NCOA2: variants seen among roughly 807,000 people sequenced by gnomAD.
The protein encoded by NCOA2 is class E basic helix-loop-helix protein 75.
In NCOA2, 21 loss-of-function variants were observed where a neutral mutation model predicts 145.1. The ratio of observed to expected loss-of-function variants is 0.14; its 90% confidence interval spans 0.10 to 0.21. NCOA2 has a LOEUF of 0.21. NCOA2 is among the 10% of genes least tolerant of loss of function. The pLI is 1.00. For missense variants in NCOA2, 1,472 were observed against 1,837.6 expected, an observed-to-expected ratio of 0.80 and a Z score of 3.64; for synonymous variants, 619 against 637.5, an observed-to-expected ratio of 0.97 and a Z score of 0.44.
chr8:70,132,803 C>A (rs1177540194), intron 15 of NCOA2, among the ~76,000 whole-genome samples: 1 of 152,156 alleles, frequency 6.6e-6, no homozygotes, highest in Non-Finnish European at 1.5e-5. Flanking sequence ...TGAGCTCAAG[C>A]GATCCACCCA....
At chr8:70,406,806 T>C (rs1814789294), upstream of NCOA2, among the ~76,000 whole-genome samples, 1 of 152,158 alleles carries the variant, frequency 6.6e-6, no homozygotes, top group Non-Finnish European at 1.5e-5. Flanking sequence ...TGCATAAAAG[T>C]GGGAGATTCT....
the NCOA2 span, among the ~76,000 whole-genome samples, chr8:70,414,807 A>G: frequency 6.6e-6 from 1 of 152,246 alleles, no homozygotes; most frequent in Admixed American, 6.5e-5. Flanking sequence ...AAAGCCCTTC[A>G]TAAAACACAG....
intron 1 of NCOA2, among the ~76,000 whole-genome samples, chr8:70,349,346 A>C (rs1808964391): frequency 6.6e-6 from 1 of 152,200 alleles, no homozygotes; most frequent in Non-Finnish European, 1.5e-5. Context: ...TATTCTAGAG[A>C]AACAGACATT....
chr8:70,388,026 G>A (rs1586661555), intron 1 of NCOA2, among the ~76,000 whole-genome samples: 1 of 152,216 alleles, frequency 6.6e-6, no homozygotes, highest in Non-Finnish European at 1.5e-5. Context: ...CAGACATCAT[G>A]GGGCAGATAA....
chr8:70,442,155 GAA>G, the NCOA2 span, among the ~76,000 whole-genome samples: 11 of 142,344 alleles, frequency 7.7e-5, no homozygotes, highest in African/African-American at 2.9e-4. Flanking sequence ...AAGAAAGAAA[GAA>G]AGAAAGAGAA....
At chr8:70,119,069 G>GGCTT (rs1383848052) in intron 22 of NCOA2, among the ~76,000 whole-genome samples, 4 of 152,080 alleles carry the variant, frequency 2.6e-5, no homozygotes, top group Non-Finnish European at 5.9e-5. Flanking sequence ...TGCATAGTGA[G>GGCTT]GGATCAAGAC....
At chr8:70,253,371 T>C (rs1823360518) in intron 2 of NCOA2, among the ~76,000 whole-genome samples, 1 of 152,070 alleles carries the variant, frequency 6.6e-6, no homozygotes, top group African/African-American at 2.4e-5. Context: ...ACAAAATCCC[T>C]GCCCTCCAGG....
At chr8:70,195,665 C>A (rs1817224191) in intron 4 of NCOA2, among the ~76,000 whole-genome samples, 1 of 152,036 alleles carries the variant, frequency 6.6e-6, no homozygotes, top group Admixed American at 6.6e-5. Flanking sequence ...ATTGTTAGAC[C>A]AAAGTTCTTG....
chr8:70,283,831 T>C (rs559568363), intron 2 of NCOA2, among the ~76,000 whole-genome samples: 5 of 152,342 alleles, frequency 3.3e-5, no homozygotes, highest in Non-Finnish European at 7.3e-5. Context: ...TACGTTCCAG[T>C]GAGCATTTCC....
At chr8:70,441,300 A>G in the NCOA2 span, among the ~76,000 whole-genome samples, 1 of 150,672 alleles carries the variant, frequency 6.6e-6, no homozygotes, top group African/African-American at 2.4e-5. Flanking sequence ...AAGAAAAGAA[A>G]GAAAAGAGAA....
At chr8:70,322,727 C>A (rs1039666457) in intron 1 of NCOA2, among the ~76,000 whole-genome samples, 9 of 152,032 alleles carry the variant, frequency 5.9e-5, no homozygotes, top group African/African-American at 1.9e-4. Flanking sequence ...TTTAACAGAA[C>A]AATATATTGT....
At chr8:70,427,844 T>C in the NCOA2 span, among the ~76,000 whole-genome samples, 1 of 152,192 alleles carries the variant, frequency 6.6e-6, no homozygotes, top group African/African-American at 2.4e-5. Context: ...ACATTCACTT[T>C]CTAGGAAGTC....
intron 2 of NCOA2, among the ~76,000 whole-genome samples, chr8:70,241,339 A>C (rs542449325): frequency 2.0e-5 from 3 of 152,272 alleles, no homozygotes; most frequent in African/African-American, 7.2e-5. Flanking sequence ...CTGTTTTAAC[A>C]ATCTCTGCTA....
intron 1 of NCOA2, among the ~76,000 whole-genome samples, chr8:70,299,449 C>T (rs1447908475): frequency 6.6e-6 from 1 of 151,974 alleles, no homozygotes; most frequent in African/African-American, 2.4e-5. Context: ...TGATAAAGGG[C>T]ATGTATCTAG....
intron 1 of NCOA2, among the ~76,000 whole-genome samples, chr8:70,313,431 G>A (rs1013991096): frequency 9.2e-5 from 14 of 152,114 alleles, no homozygotes; most frequent in Non-Finnish European, 1.5e-5. Context: ...GCTGTTTTTA[G>A]TAATGGTATT....
the NCOA2 span, among the ~76,000 whole-genome samples, chr8:70,437,629 C>G: frequency 6.6e-6 from 1 of 152,192 alleles, no homozygotes; most frequent in East Asian, 1.9e-4. Flanking sequence ...TAAGACAATA[C>G]ATTCATGGAT....
intron 1 of NCOA2, among the ~76,000 whole-genome samples, chr8:70,368,004 T>A (rs565409341): frequency 2.0e-4 from 30 of 152,330 alleles, no homozygotes; most frequent in African/African-American, 7.0e-4. Flanking sequence ...CTCAGAAGTA[T>A]AAGATGCAGG....
intron 4 of NCOA2, among the ~76,000 whole-genome samples, chr8:70,190,829 G>C (rs1379314043): frequency 6.6e-6 from 1 of 152,110 alleles, no homozygotes. Flanking sequence ...GATGGAGTGA[G>C]ACTCTGTCTC....
At chr8:70,323,779 GT>G (rs1586490820) in intron 1 of NCOA2, among the ~76,000 whole-genome samples, 1 of 151,802 alleles carries the variant, frequency 6.6e-6, no homozygotes, top group African/African-American at 2.4e-5. Flanking sequence ...TAATTTTCTG[GT>G]TTTCTAGAAA....
Sources: allele counts gnomAD v4.1 joint callset (sites outside exome capture counted in the v4.1 genomes callset), GRCh38; gene constraint gnomAD v4.1.1; transcripts MANE v1.5; gene names NCBI Gene and HGNC (gene_info 2026-07-23, HGNC 2026-07-21).